Variants in EPHA6 observed in about 807,000 individuals in gnomAD.
EPHA6 encodes ephrin type-A receptor 6.
A neutral mutation model predicts 112.0 loss-of-function variants in EPHA6; 50 were observed. The observed-to-expected ratio is 0.45, with a 90% CI of 0.36 to 0.56. The LOEUF (loss-of-function observed/expected upper bound fraction) is 0.56. Ranked by LOEUF, EPHA6 falls within the 20% of genes least tolerant of loss-of-function variation. The pLI is 0.00. For missense variants in EPHA6, 1,280 were observed against 1,417.4 expected (o/e 0.90, Z 1.56); for synonymous variants, 529 against 490.7 (o/e 1.08, Z -1.03).
At chr3:96,835,593 G>A (rs1028664338) in intron 1 of EPHA6, among the ~76,000 whole-genome samples, 2 of 151,940 alleles carry the variant, frequency 1.3e-5, no homozygotes, top group African/African-American at 4.8e-5. Context: ...CACATGCATC[G>A]TTGAGGATAA....
intron 14 of EPHA6, among the ~76,000 whole-genome samples, chr3:97,688,599 T>A (rs541275240): frequency 1.1e-3 from 155 of 136,896 alleles, no homozygotes; most frequent in Non-Finnish European, 1.9e-3. Context: ...GGGGGAGGGA[T>A]AGCATTAGGA....
chr3:96,915,145 A>T (rs2039423344), intron 2 of EPHA6, among the ~76,000 whole-genome samples: 1 of 152,026 alleles, frequency 6.6e-6, no homozygotes, highest in African/African-American at 2.4e-5. Context: ...GTCATTTTAA[A>T]GGGAAACATG....
chr3:97,467,465 T>G (rs1286766216), intron 7 of EPHA6, among the ~76,000 whole-genome samples: 3 of 151,816 alleles, frequency 2.0e-5, no homozygotes, highest in Admixed American at 6.6e-5. Context: ...AGTGCATAGA[T>G]ATGCTCACCA....
At chr3:97,307,981 C>G (rs1472360832) in intron 5 of EPHA6, among the ~76,000 whole-genome samples, 3 of 150,598 alleles carry the variant, frequency 2.0e-5, no homozygotes, top group Non-Finnish European at 3.0e-5. Flanking sequence ...TCCCATCAAC[C>G]TTTTTTTTTG....
At chr3:97,270,591 T>C (rs1296891314) in intron 5 of EPHA6, among the ~76,000 whole-genome samples, 1 of 152,212 alleles carries the variant, frequency 6.6e-6, no homozygotes. Flanking sequence ...TTCTGCCTTT[T>C]TGACAGATAA....
In EPHA6 at chr3:97,424,709, G is replaced by A. The variant is rs144338104; in HGVS notation, c.1731+19435G>A. ...TAATCCCAGCTACTTGGGAGGCTGA[G>A]GCAGGAGAATCACTTGAACCCAGGA... On this transcript the variant is annotated intron_variant, in intron 6 of 17. Coordinates refer to ENST00000389672, the MANE Select transcript of EPHA6 (RefSeq NM_001080448.3). Among the ~76,000 whole-genome samples the A allele has an allele frequency of 1.4e-3, 213 of 151,730 alleles. 6 individuals carry two copies. In the East Asian group the frequency reaches 0.036, roughly 26 times the overall value.
At chr3:97,732,765 G>A (rs559989698) in intron 15 of EPHA6, among the ~76,000 whole-genome samples, 6 of 152,046 alleles carry the variant, frequency 3.9e-5, no homozygotes, top group East Asian at 1.9e-4. Context: ...CATGAACATC[G>A]CTTAGAACTG....
chr3:97,472,650 A>T (rs2091260591), intron 7 of EPHA6, among the ~76,000 whole-genome samples: 1 of 151,794 alleles, frequency 6.6e-6, no homozygotes, highest in Non-Finnish European at 1.5e-5. Context: ...TTTTATTTCC[A>T]TATGGCAAAT....
intron 2 of EPHA6, among the ~76,000 whole-genome samples, chr3:96,985,677 CTGGATTTCAAGCAAGAAATTT>C (rs2042996079): frequency 6.6e-6 from 1 of 152,070 alleles, no homozygotes; most frequent in South Asian, 2.1e-4. Flanking sequence ...AAAATGCCCT[CTGGATTTCAAGCAAGAAATTT>C]GCAGAAAATA....
chr3:97,575,993 C>T (rs1247997974), intron 11 of EPHA6, among the ~76,000 whole-genome samples: 2 of 152,020 alleles, frequency 1.3e-5, no homozygotes, highest in Non-Finnish European at 2.9e-5. Flanking sequence ...CTAAATGAAC[C>T]TCGAGTTTCC....
intron 5 of EPHA6, among the ~76,000 whole-genome samples, chr3:97,287,477 A>T (rs990402366): frequency 6.6e-6 from 1 of 152,174 alleles, no homozygotes; most frequent in Non-Finnish European, 1.5e-5. Flanking sequence ...AAACAAAAAA[A>T]AAACAAACAA....
intron 3 of EPHA6, among the ~76,000 whole-genome samples, chr3:97,068,525 T>G (rs1243555921): frequency 6.6e-6 from 1 of 152,056 alleles, no homozygotes; most frequent in African/African-American, 2.4e-5. Context: ...ACCTAGAACA[T>G]GAGTATATGC....
At chr3:97,629,438 A>G (rs543113069) in intron 13 of EPHA6, among the ~76,000 whole-genome samples, 1 of 152,108 alleles carries the variant, frequency 6.6e-6, no homozygotes, top group African/African-American at 2.4e-5. Context: ...GGTATGGATG[A>G]GTGAACTTTT....
intron 2 of EPHA6, among the ~76,000 whole-genome samples, chr3:96,883,223 C>G (rs538054462): frequency 6.6e-5 from 10 of 152,170 alleles, no homozygotes; most frequent in African/African-American, 1.9e-4. Context: ...ATTTGTATAT[C>G]TTCTTTTGAG....
intron 15 of EPHA6, among the ~76,000 whole-genome samples, chr3:97,734,933 A>T (rs1014343900): frequency 2.0e-5 from 3 of 151,992 alleles, no homozygotes; most frequent in Non-Finnish European, 4.4e-5. Context: ...AGGAAGGTGG[A>T]TCATACACTA....
At chr3:97,058,295 T>TTTG (rs202158767) in intron 3 of EPHA6, among the ~76,000 whole-genome samples, 1,862 of 151,840 alleles carry the variant, frequency 0.012, 35 homozygotes, top group African/African-American at 0.041. Context: ...GAGTTTTTTT[T>TTTG]TTGTTGTTGT....
At chr3:97,075,410 T>C (rs1293569296) in intron 3 of EPHA6, among the ~76,000 whole-genome samples, 1 of 152,072 alleles carries the variant, frequency 6.6e-6, no homozygotes, top group African/African-American at 2.4e-5. Flanking sequence ...ATTTGATTTG[T>C]TCTGGGGCGT....
At chr3:97,510,378 C>T (rs1364971376) in intron 10 of EPHA6, among the ~76,000 whole-genome samples, 1 of 152,118 alleles carries the variant, frequency 6.6e-6, no homozygotes. Context: ...TCTGTGTGGA[C>T]ATCCTTTTTG....
At chr3:97,407,347 AAC>A (rs34259097) in intron 6 of EPHA6, among the ~76,000 whole-genome samples, 32,278 of 147,102 alleles carry the variant, frequency 0.22, 4,503 homozygotes, top group Non-Finnish European at 0.32. Flanking sequence ...ACTGAAATTA[AAC>A]ACACACACAC....
Sources: gnomAD v4.1 joint callset for allele counts (sites outside exome capture counted in the v4.1 genomes callset) on GRCh38, gnomAD v4.1.1 for gene constraint, MANE v1.5 for transcripts, NCBI Gene and HGNC (gene_info 2026-07-23, HGNC 2026-07-21) for gene names.